The following KANK1 variants were observed in gnomAD, a reference collection of about 807,000 sequenced individuals.
KANK1 encodes KN motif and ankyrin repeat domain-containing protein 1.
Under a neutral mutation model 106.2 loss-of-function variants are expected in KANK1, and 109 were observed. The ratio of observed to expected loss-of-function variants is 1.03; its 90% CI spans 0.88 to 1.20. KANK1 has a LOEUF of 1.20. Among genes scored for constraint, KANK1 ranks in the 50% most tolerant of loss-of-function variants. KANK1 has a pLI of 0.00. For synonymous variants in KANK1, 873 were observed against 652.2 expected (o/e 1.34, Z -5.16); for missense variants, 2,399 against 1,710.7 (o/e 1.40, Z -7.10).
chr9:702,709 C>T (rs935167903), intron 2 of KANK1, among the ~76,000 whole-genome samples: 1 of 152,150 alleles, frequency 6.6e-6, no homozygotes, highest in Non-Finnish European at 1.5e-5. Flanking sequence ...TCAAGACGAT[C>T]TTTGTTGATG....
Position 711,901 on chromosome 9 carries a change from C to G in KANK1, c.1135C>G (p.Gln379Glu). Residue 379 changes from glutamine to glutamate, a missense_variant, in exon 3 of 12, where the codon CAG becomes GAG. Transcript: ENST00000382297. ...TACAGCAGACATGCAAGCCCTGGAG[C>G]AGAAGATCCAGGACAGCAGCTGTGA... ...QLTADMQALE[Q>E]KIQDSSCEAS... is the part of the protein sequence containing the mutation. 1 of 1,614,136 alleles carries G rather than the reference C, an allele frequency of 6.2e-7. No homozygotes were observed. Among genetic ancestry groups the G allele is most frequent in the South Asian group, 1.1e-5 (1 of 91,078 alleles).
At position 508,125 on chromosome 9, in the gene KANK1, T is replaced by C. The variant is rs1176611863; in HGVS notation, c.-84+3371T>C. On this transcript the variant is annotated intron_variant, in intron 1 of 11. Coordinates refer to ENST00000382297, the MANE Select transcript of KANK1 (RefSeq NM_015158.5). Reference sequence around the variant, plus strand: ...GTGTGAGACACCCTGCTCAGCCTTTTTTTTTTTTTTTTTTTTTTTTTTTTT... The same window carrying C: ...GTGTGAGACACCCTGCTCAGCCTTTCTTTTTTTTTTTTTTTTTTTTTTTTT... Among the ~76,000 whole-genome samples the C allele has an allele frequency of 3.6e-4, 27 of 75,272 alleles. No individual in the cohort carries two copies. The African/African-American group carries it at 8.7e-3, about 24-fold the overall frequency. 49.4% of individuals were successfully genotyped at this position (75,272 alleles called of 152,430 possible).
At chr9:541,885 C>T (rs1408717519) in intron 1 of KANK1, among the ~76,000 whole-genome samples, 1 of 151,470 alleles carries the variant, frequency 6.6e-6, no homozygotes, top group Non-Finnish European at 1.5e-5. Context: ...GTCAGGAGAT[C>T]GAGACCATCC....
intron 1 of KANK1, among the ~76,000 whole-genome samples, chr9:553,450 C>G (rs2061396619): frequency 6.6e-6 from 1 of 152,100 alleles, no homozygotes; most frequent in Non-Finnish European, 1.5e-5. Context: ...GCTGAGTTTT[C>G]TAAGAGCACG....
rs190998400 is a variant in KANK1 at position 541,092 on chromosome 9, G to C, written c.-84+36338G>C. On this transcript the variant is annotated intron_variant, in intron 1 of 11. Transcript: ENST00000382297. ...ACTTCCTTGTAGTGCTGCTTTTGCT[G>C]CATCTCTTAAGTTTTGGTTTGTTGA... Among the ~76,000 whole-genome samples, 155 of 151,682 alleles carry C rather than the reference G, an allele frequency of 1.0e-3. 1 individual carries two copies. The highest frequency in any genetic ancestry group is 3.5e-3 in the African/African-American group (143 of 41,342).
At chr9:539,074 T>C (rs1380898882) in intron 1 of KANK1, among the ~76,000 whole-genome samples, 1 of 152,094 alleles carries the variant, frequency 6.6e-6, no homozygotes, top group Non-Finnish European at 1.5e-5. Flanking sequence ...AGCGACGGGA[T>C]TTCACCATGT....
intron 1 of KANK1, among the ~76,000 whole-genome samples, chr9:569,145 C>T (rs930034578): frequency 1.3e-5 from 2 of 152,042 alleles, no homozygotes; most frequent in East Asian, 1.9e-4. Flanking sequence ...CCCAGTCCTG[C>T]CCACCTGCCT....
chr9:524,378 T>C (rs1394063341), intron 1 of KANK1, among the ~76,000 whole-genome samples: 2 of 151,618 alleles, frequency 1.3e-5, no homozygotes, highest in African/African-American at 2.4e-5. Flanking sequence ...TGTATGTGTA[T>C]AAGAATTCAA....
chr9:620,329 A>C (rs1311409772), intron 1 of KANK1, among the ~76,000 whole-genome samples: 4 of 152,132 alleles, frequency 2.6e-5, no homozygotes, highest in Non-Finnish European at 5.9e-5. Context: ...CTGCCCCCTA[A>C]ATAAAACCTG....
intron 1 of KANK1, among the ~76,000 whole-genome samples, chr9:633,951 A>G (rs1836441319): frequency 1.3e-5 from 2 of 152,224 alleles, no homozygotes; most frequent in South Asian, 2.1e-4. Flanking sequence ...GCACTGAGCC[A>G]TAAATAGATG....
chr9:727,347 G>T (rs377265354), intron 3 of KANK1, among the ~76,000 whole-genome samples: 73 of 151,034 alleles, frequency 4.8e-4, no homozygotes, highest in African/African-American at 1.7e-3. Context: ...TTAGAGTCTC[G>T]CTCTGCCGCC....
At chr9:680,547 C>T (rs1588864624) in intron 2 of KANK1, among the ~76,000 whole-genome samples, 1 of 152,054 alleles carries the variant, frequency 6.6e-6, no homozygotes. Flanking sequence ...AGAAATAAAC[C>T]TTATTAATAT....
chr9:520,906 A>G (rs186015329), intron 1 of KANK1, among the ~76,000 whole-genome samples: 23 of 151,792 alleles, frequency 1.5e-4, no homozygotes, highest in Admixed American at 1.2e-3. Context: ...TTAGTATCCT[A>G]TTGGTCAGAT....
At chr9:518,488 A>AG (rs1375173917) in intron 1 of KANK1, among the ~76,000 whole-genome samples, 21 of 151,638 alleles carry the variant, frequency 1.4e-4, no homozygotes, top group African/African-American at 4.6e-4. Flanking sequence ...GATTCGATGT[A>AG]GGGGAGGGGT....
intron 1 of KANK1, among the ~76,000 whole-genome samples, chr9:651,615 CAAT>C (rs1387195386): frequency 3.3e-5 from 5 of 152,196 alleles, no homozygotes; most frequent in Admixed American, 6.5e-5. Context: ...TCTCTCAACA[CAAT>C]GATGTCTTCA....
intron 1 of KANK1, among the ~76,000 whole-genome samples, chr9:517,796 T>C (rs1004153652): frequency 3.0e-4 from 45 of 148,296 alleles, no homozygotes; most frequent in African/African-American, 1.0e-3. Context: ...TGGAGTAAAG[T>C]GGCGTGATCT....
At chr9:479,404 A>C (rs565424828) in intron 3 of KANK1, among the ~76,000 whole-genome samples, 1 of 152,332 alleles carries the variant, frequency 6.6e-6, no homozygotes, top group African/African-American at 2.4e-5. Context: ...AAGTCACCAG[A>C]GTTCTTCACT....
chr9:556,766 T>G (rs968614935), intron 1 of KANK1, among the ~76,000 whole-genome samples: 1 of 152,216 alleles, frequency 6.6e-6, no homozygotes, highest in African/African-American at 2.4e-5. Flanking sequence ...ATTTTTCCAC[T>G]TTCTTGGGCC....
chr9:673,197 CTTCTTTTT>C (rs1250824857), intron 1 of KANK1, among the ~76,000 whole-genome samples: 3 of 114,762 alleles, frequency 2.6e-5, no homozygotes, highest in Non-Finnish European at 5.3e-5. Context: ...GTGACAGTGT[CTTCTTTTT>C]TTTTTTTTTT....
Sources: allele counts gnomAD v4.1 joint callset (sites outside exome capture counted in the v4.1 genomes callset), GRCh38; gene constraint gnomAD v4.1.1; transcripts MANE v1.5; gene names NCBI Gene and HGNC (gene_info 2026-07-23, HGNC 2026-07-21).